The following MAPK8IP3 variants were observed in gnomAD, a reference collection of about 807,000 sequenced individuals.
The protein encoded by MAPK8IP3 is C-Jun-amino-terminal kinase-interacting protein 3.
MAPK8IP3 carries 49 observed loss-of-function variants against 157.8 expected under a neutral mutation model. That is an observed-to-expected ratio of 0.31 (90% CI 0.25 to 0.39). MAPK8IP3 has a LOEUF of 0.39. MAPK8IP3 is among the 10% of genes least tolerant of loss of function. The pLI is 1.00. For missense variants in MAPK8IP3, 1,478 were observed against 1,889.4 expected, an observed-to-expected ratio of 0.78 and a Z score of 4.04; for synonymous variants, 897 against 777.7, an observed-to-expected ratio of 1.15 and a Z score of -2.55.
chr16:1,713,283 C>T (rs2037914514), intron 1 of MAPK8IP3, among the ~76,000 whole-genome samples: 1 of 152,206 alleles, frequency 6.6e-6, no homozygotes, highest in Non-Finnish European at 1.5e-5. Flanking sequence ...GAGGTCTCGC[C>T]ACGTTGCCCA....
chr16:1,753,550 C>G (rs1339357022), intron 8 of MAPK8IP3, among the ~76,000 whole-genome samples: 1 of 151,994 alleles, frequency 6.6e-6, no homozygotes, highest in Non-Finnish European at 1.5e-5. Context: ...ACGCCATTCT[C>G]CTGCCTCAGC....
Position 1,706,680 on chromosome 16 carries a change from C to G in MAPK8IP3, c.318+23C>G. On this transcript the variant is annotated intron_variant, in intron 1 of 31. Coordinates refer to ENST00000610761, the MANE Select transcript of MAPK8IP3 (RefSeq NM_001318852.2). The surrounding 1 kb of genome is among the most constrained non-coding windows in gnomAD (Gnocchi z 5.1). ...GAGGTGCGTGGGCCGCGGGACCCGCCCGCATCCCCGTCCCGGACCCCCAGC... is the reference window on the plus strand; with the variant it reads ...GAGGTGCGTGGGCCGCGGGACCCGCGCGCATCCCCGTCCCGGACCCCCAGC... The G allele has an allele frequency of 1.3e-6, 2 of 1,515,676 alleles. No homozygotes were observed. Among genetic ancestry groups the G allele is most frequent in the Middle Eastern group, 4.4e-4 (2 of 4,500 alleles). 93.9% of individuals were successfully genotyped at this position (1,515,676 alleles called of 1,614,324 possible).
chr16:1,761,633 ACCATTCACCATTCACAGGCGGGGCG>A, intron 13 of MAPK8IP3, among the ~76,000 whole-genome samples: 1 of 143,876 alleles, frequency 7.0e-6, no homozygotes, highest in African/African-American at 2.7e-5. Flanking sequence ...CGGGGCGGCC[ACCATTCACCATTCACAGGCGGGGCG>A]GCCACCATTC....
At position 1,743,923 on chromosome 16, in the gene MAPK8IP3, C is replaced by T. The variant is rs545130795; in HGVS notation, c.747+447C>T. ...TGTCTAGAGTGTGGGGTTTGCCCTC[C>T]GTTGGCAGAAAGGTGAGGAGAAAGC... On this transcript the variant is annotated intron_variant, in intron 5 of 31. Coordinates refer to ENST00000610761, the MANE Select transcript of MAPK8IP3 (RefSeq NM_001318852.2). The surrounding 1 kb of genome is among the most constrained non-coding windows in gnomAD (Gnocchi z 5.6). 2.2e-3 allele frequency: 2,182 copies of T among 1,010,528 alleles called. 3 individuals are homozygous for T. Among genetic ancestry groups the T allele is most frequent in the Non-Finnish European group, 2.4e-3 (2,069 of 846,300 alleles). 62.6% of individuals were successfully genotyped at this position (1,010,528 alleles called of 1,614,324 possible).
At chr16:1,748,511 A>G in intron 7 of MAPK8IP3, 91 bp from the exon 8 acceptor site, 2 of 1,208,346 alleles carry the variant, frequency 1.7e-6, no homozygotes, top group Non-Finnish European at 2.4e-6. Context: ...TTGAATGGCC[A>G]CGGTGGGAGG....
chr16:1,762,220 A>G, intron 13 of MAPK8IP3, 131 bp from the exon 14 acceptor site: 2 of 1,266,996 alleles, frequency 1.6e-6, no homozygotes, highest in Non-Finnish European at 2.1e-6. Context: ...ACCCCTCCAC[A>G]CCGCTTCTTG....
Position 1,768,849 on chromosome 16 carries a change from C to G in MAPK8IP3, c.*25C>G. 6.2e-7 allele frequency: 1 copy of G among 1,609,830 alleles called. No individual in the cohort carries two copies. The highest frequency in any genetic ancestry group is 8.5e-7 in the Non-Finnish European group (1 of 1,179,198). ...AAGCTGCTGCCCTGCCTGGCCCGAC[C>G]TGTACATAGGACCCCCGACCACCTG... On this transcript the variant is annotated 3_prime_UTR_variant, in exon 32 of 32. Transcript: ENST00000610761.
At position 1,706,720 on chromosome 16, in the gene MAPK8IP3, G is replaced by T; in HGVS notation, c.318+63G>T. ...GGACCCCCAGCCAGCCCCGGGCCCC[G>T]GACCCAACACCCGTCCCGACCCCAG... On this transcript the variant is annotated intron_variant, in intron 1 of 31. Coordinates refer to ENST00000610761, the MANE Select transcript of MAPK8IP3 (RefSeq NM_001318852.2). This position sits in a 1 kb window ranked among gnomAD's most constrained non-coding sequence, Gnocchi z 5.1. The T allele has an allele frequency of 7.1e-7, 1 of 1,405,592 alleles. No individual in the cohort carries two copies. 87.1% of individuals were successfully genotyped at this position (1,405,592 alleles called of 1,614,324 possible). A position where few individuals can be genotyped will look rare whatever the true frequency, so the allele number is the denominator to read the frequency against.
chr16:1,714,734 G>A (rs901863520), intron 1 of MAPK8IP3, among the ~76,000 whole-genome samples: 1 of 152,026 alleles, frequency 6.6e-6, no homozygotes, highest in Non-Finnish European at 1.5e-5. Context: ...TCCCTGCCTC[G>A]GGTTAGAGCA....
At chr16:1,735,035 C>T (rs1041757298) in intron 4 of MAPK8IP3, 7 of 153,918 alleles carry the variant, frequency 4.5e-5, no homozygotes, top group Middle Eastern at 7.2e-4. Context: ...GACATTCGCG[C>T]AGTGCACGGC....
At position 1,767,841 on chromosome 16, in the gene MAPK8IP3, C is replaced by T. The variant is rs1490909451; in HGVS notation, c.3446C>T (p.Thr1149Met). Residue 1149 changes from threonine (T) to methionine (M), a missense_variant, in exon 28 of 32, where the codon ACG (threonine) becomes ATG (methionine). Physicochemically the swap from Thr to Met is moderately conservative, Grantham distance 81 (BLOSUM62 -1). Around this residue, in one of 11 missense-constraint regions of MAPK8IP3, gnomAD observed 68 missense variants for 125.1 expected, o/e 0.54. Transcript: ENST00000610761. ...GKLGFSFVRI[T>M]ALLVAGSRLW... Reference sequence around the variant, plus strand: ...CTGGGTTTCTCCTTCGTACGCATCACGGCCCTGCTTGTCGCGGGCAGCCGG... The same window carrying T: ...CTGGGTTTCTCCTTCGTACGCATCATGGCCCTGCTTGTCGCGGGCAGCCGG... 1.9e-6 allele frequency: 3 copies of T among 1,611,366 alleles called. No homozygotes were observed. The highest frequency in any genetic ancestry group is 2.2e-5 in the East Asian group (1 of 44,884).
At chr16:1,765,341 T>C (rs2042196191) in intron 20 of MAPK8IP3, among the ~76,000 whole-genome samples, 163 bp downstream of exon 20, 1 of 152,200 alleles carries the variant, frequency 6.6e-6, no homozygotes, top group Non-Finnish European at 1.5e-5. Flanking sequence ...AGTGAGGCCC[T>C]GGGCCCTGTT....
Position 1,706,295 on chromosome 16 carries a change from G to T in MAPK8IP3, c.-45G>T, listed in dbSNP as rs964166448. The T allele has an allele frequency of 6.7e-7, 1 of 1,487,156 alleles. No homozygotes were observed. 92.1% of individuals were successfully genotyped at this position (1,487,156 alleles called of 1,614,324 possible). A position where few individuals can be genotyped will look rare whatever the true frequency, so the allele number is the denominator to read the frequency against. On this transcript the variant is annotated 5_prime_UTR_variant, in exon 1 of 32. Coordinates refer to ENST00000610761, the MANE Select transcript of MAPK8IP3 (RefSeq NM_001318852.2). This position sits in a 1 kb window ranked among gnomAD's most constrained non-coding sequence, Gnocchi z 5.1. ...CTGAGGCAGCTGGGGAGGGCCGGGC[G>T]CGCCGGCCGGATAGCGAGCCGCGCT...
At position 1,769,378 on chromosome 16, in the gene MAPK8IP3, G is replaced by A. The variant is rs149188450; in HGVS notation, c.*554G>A. ...AGCCGGCCTTCTCTGGGGCCTCCCCGTCGTCAAGCCTCTATCCTGTCTGTC... is the reference window on the plus strand; with the variant it reads ...AGCCGGCCTTCTCTGGGGCCTCCCCATCGTCAAGCCTCTATCCTGTCTGTC... On this transcript the variant is annotated 3_prime_UTR_variant, in exon 32 of 32. Transcript: ENST00000610761. 1.8e-4 allele frequency: 28 copies of A among 158,910 alleles called. No individual in the cohort carries two copies. Among genetic ancestry groups the A allele is most frequent in the South Asian group, 9.1e-4 (5 of 5,516 alleles). The allele number at this position is 158,910 out of a possible 1,614,324, so 9.8% of individuals were successfully genotyped here.
At chr16:1,763,600 G>A in intron 16 of MAPK8IP3, 57 bp from the exon 17 acceptor site, 6 of 1,447,562 alleles carry the variant, frequency 4.1e-6, no homozygotes, top group Non-Finnish European at 5.5e-6. Flanking sequence ...CAAGCCTGGG[G>A]CACTGTGGGG....
chr16:1,728,164 G>A (rs1036341346), intron 2 of MAPK8IP3, among the ~76,000 whole-genome samples: 2 of 152,246 alleles, frequency 1.3e-5, no homozygotes, highest in African/African-American at 2.4e-5. Context: ...GCGGCTGCCC[G>A]TCGGCCTGTC....
chr16:1,740,387 C>T (rs994953340), intron 4 of MAPK8IP3, among the ~76,000 whole-genome samples: 2 of 148,918 alleles, frequency 1.3e-5, no homozygotes, highest in Non-Finnish European at 3.0e-5. Context: ...TCCGTGTAAG[C>T]GTGTGACCGT....
intron 1 of MAPK8IP3, among the ~76,000 whole-genome samples, chr16:1,711,979 T>C (rs1596535599): frequency 4.4e-5 from 6 of 134,840 alleles, no homozygotes; most frequent in African/African-American, 5.4e-5. Flanking sequence ...AAAACTGAGG[T>C]CCCGAGCTCC....
At chr16:1,709,834 G>A (rs2037652384) in intron 1 of MAPK8IP3, among the ~76,000 whole-genome samples, 1 of 152,214 alleles carries the variant, frequency 6.6e-6, no homozygotes, top group Non-Finnish European at 1.5e-5. Context: ...AAAATAAGGT[G>A]TGAGAGATGA....
Sources: allele counts gnomAD v4.1 joint callset (sites outside exome capture counted in the v4.1 genomes callset), GRCh38; gene constraint gnomAD v4.1.1; regional missense constraint gnomAD v4.1.1; non-coding constraint Gnocchi (gnomAD v3.1); transcripts MANE v1.5; gene names NCBI Gene and HGNC (gene_info 2026-07-23, HGNC 2026-07-21).